UBR3: variants seen among roughly 807,000 people sequenced by gnomAD.
UBR3 encodes the protein ubiquitin protein ligase E3 component n-recognin 3.
A neutral mutation model predicts 243.2 loss-of-function variants in UBR3; 85 were observed. The observed-to-expected ratio is 0.35, with a 90% CI of 0.29 to 0.42. The LOEUF is 0.42. UBR3 is among the 10% of genes least tolerant of loss of function. The pLI, the probability that UBR3 is intolerant of heterozygous loss-of-function variation, is 1.00. For missense variants in UBR3, 1,686 were observed against 2,300.8 expected (o/e 0.73, Z 5.47); for synonymous variants, 748 against 799.8 (o/e 0.94, Z 1.09).
chr2:170,047,904 C>T (rs2091127249), intron 32 of UBR3, among the ~76,000 whole-genome samples: 1 of 152,166 alleles, frequency 6.6e-6, no homozygotes, highest in Non-Finnish European at 1.5e-5. Flanking sequence ...GCTATCAGAA[C>T]AACTGTCGTG....
In UBR3 at chr2:169,942,478, G is replaced by A. The variant is rs1481017012; in HGVS notation, c.2664-15G>A. 2 of 1,529,570 alleles carry A rather than the reference G, an allele frequency of 1.3e-6. No homozygotes were observed. Among genetic ancestry groups the A allele is most frequent in the Non-Finnish European group, 1.8e-6 (2 of 1,141,556 alleles). 94.7% of individuals were successfully genotyped at this position (1,529,570 alleles called of 1,614,324 possible). A position where few individuals can be genotyped will look rare whatever the true frequency, so the allele number is the denominator to read the frequency against. On this transcript the variant is annotated splice_polypyrimidine_tract_variant and intron_variant, in intron 19 of 38. Coordinates refer to ENST00000272793, the MANE Select transcript of UBR3 (RefSeq NM_172070.4). ...GAGGCTATCATCTAATTCTAGTTTT[G>A]TTTTATTTTTACAGTTTAAAACAGA...
At chr2:170,065,249 G>A (rs758504454) in intron 35 of UBR3, among the ~76,000 whole-genome samples, 5 of 152,054 alleles carry the variant, frequency 3.3e-5, no homozygotes, top group African/African-American at 7.2e-5. Context: ...GACATTGAAC[G>A]TGGTTTATAC....
chr2:170,015,425 A>G (rs1377261495), intron 30 of UBR3, 59 bp downstream of exon 30: 2 of 1,366,544 alleles, frequency 1.5e-6, no homozygotes, highest in East Asian at 4.6e-5. Flanking sequence ...AAGCATTGAC[A>G]GGAAAAGTGA....
intron 36 of UBR3, among the ~76,000 whole-genome samples, chr2:170,073,834 A>G (rs1256903367): frequency 6.6e-6 from 1 of 152,216 alleles, no homozygotes; most frequent in Non-Finnish European, 1.5e-5. Context: ...TGGGGTCAGC[A>G]GATTTTTATT....
Position 169,928,763 on chromosome 2 carries a change from C to A in UBR3, c.2461C>A (p.Pro821Thr). 6.7e-7 allele frequency: 1 copy of A among 1,502,428 alleles called. No individual in the cohort carries two copies. Among genetic ancestry groups the A allele is most frequent in the Non-Finnish European group, 9.0e-7 (1 of 1,112,606 alleles). 93.1% of individuals were successfully genotyped at this position (1,502,428 alleles called of 1,614,324 possible). A position where few individuals can be genotyped will look rare whatever the true frequency, so the allele number is the denominator to read the frequency against. The stretch of plus-strand genomic sequence containing the variant: ...TCCTAATCCCAAAAGTGGCATTATT[C>A]CAGGCAGTTACAGCTTTGAATCAGT... The part of the protein sequence containing the change: ...ENPNPKSGII[P>T]GSYSFESVLS... Residue 821 changes from proline to threonine, a missense_variant, in exon 18 of 39, where the codon CCA becomes ACA. This residue lies in a region of UBR3 where 346 missense variants were observed against 585.8 expected (regional missense o/e 0.59). Transcript: ENST00000272793.
chr2:169,838,817 A>G (rs948293849), intron 1 of UBR3, among the ~76,000 whole-genome samples: 6 of 152,214 alleles, frequency 3.9e-5, no homozygotes, highest in Non-Finnish European at 7.3e-5. Flanking sequence ...GTGAGACTCA[A>G]AGATACGCTT....
chr2:170,007,284 T>A, intron 28 of UBR3, 94 bp downstream of exon 28: 1 of 1,333,114 alleles, frequency 7.5e-7, no homozygotes. Context: ...TCTGGACTTT[T>A]ACATATTTAG....
At chr2:169,963,538 G>T (rs1355624369) in intron 24 of UBR3, among the ~76,000 whole-genome samples, 1 of 151,732 alleles carries the variant, frequency 6.6e-6, no homozygotes, top group Non-Finnish European at 1.5e-5. Context: ...AAAAAAGAAT[G>T]CGGGACAAAA....
In UBR3 at chr2:169,939,298, G is replaced by A. The variant is rs537746685; in HGVS notation, c.2664-3195G>A. On this transcript the variant is annotated intron_variant, in intron 19 of 38. Coordinates refer to ENST00000272793, the MANE Select transcript of UBR3 (RefSeq NM_172070.4). The stretch of plus-strand genomic sequence containing the variant: ...TTTTGAGATGGAGTCTCGCCCTGTT[G>A]CCCAGGCTGGAGTGCAGTGGCAGGA... Among the ~76,000 whole-genome samples, 438 of 146,096 alleles carry A rather than the reference G, an allele frequency of 3.0e-3. 2 individuals are homozygous for A. The highest frequency in any genetic ancestry group is 4.8e-3 in the Non-Finnish European group (324 of 67,060).
chr2:169,976,929 C>T (rs557443498), intron 24 of UBR3, among the ~76,000 whole-genome samples: 1 of 152,214 alleles, frequency 6.6e-6, no homozygotes, highest in East Asian at 1.9e-4. Flanking sequence ...TTTTCCCCCT[C>T]AAGTAATTTT....
At chr2:169,914,390 A>G (rs2085371720) in intron 11 of UBR3, among the ~76,000 whole-genome samples, 1 of 152,206 alleles carries the variant, frequency 6.6e-6, no homozygotes, top group South Asian at 2.1e-4. Context: ...GAAGAGTGGC[A>G]TGATTTGTTT....
intron 31 of UBR3, among the ~76,000 whole-genome samples, chr2:170,032,275 CA>C (rs2090693057): frequency 6.6e-6 from 1 of 151,898 alleles, no homozygotes. Context: ...AAAACAAAAA[CA>C]AAAACAGTCA....
At chr2:170,019,223 T>G (rs1169724082) in intron 30 of UBR3, among the ~76,000 whole-genome samples, 3 of 152,194 alleles carry the variant, frequency 2.0e-5, no homozygotes, top group African/African-American at 7.2e-5. Context: ...AAGTTCTGAC[T>G]TAATTTTGAT....
chr2:169,827,478 C>T lies in UBR3; in HGVS notation c.-30C>T. On this transcript the variant is annotated 5_prime_UTR_variant, in exon 1 of 39. Transcript: ENST00000272793. The stretch of plus-strand genomic sequence containing the variant: ...CACTCTCCCTGGAGGAGCCGCTGGC[C>T]CTGGACTCTCCAAATTCTGAGCTCT... 3 of 1,223,594 alleles carry T rather than the reference C, an allele frequency of 2.5e-6. No individual in the cohort carries two copies. Among genetic ancestry groups the T allele is most frequent in the Non-Finnish European group, 3.1e-6 (3 of 982,924 alleles). The allele number at this position is 1,223,594 out of a possible 1,614,324, so 75.8% of individuals were successfully genotyped here. A position where few individuals can be genotyped will look rare whatever the true frequency, so the allele number is the denominator to read the frequency against.
chr2:169,888,615 A>G (rs2084205381), intron 5 of UBR3, among the ~76,000 whole-genome samples: 1 of 152,170 alleles, frequency 6.6e-6, no homozygotes, highest in South Asian at 2.1e-4. Context: ...TCAATACTTA[A>G]ATAATTTCAT....
intron 10 of UBR3, among the ~76,000 whole-genome samples, chr2:169,913,242 T>C (rs889445239): frequency 1.3e-5 from 2 of 152,236 alleles, no homozygotes; most frequent in African/African-American, 4.8e-5. Context: ...TGGCTTTGAT[T>C]TGCATTTTCC....
intron 32 of UBR3, among the ~76,000 whole-genome samples, chr2:170,045,400 G>T (rs537325771): frequency 6.6e-6 from 1 of 152,212 alleles, no homozygotes; most frequent in African/African-American, 2.4e-5. Context: ...GTATCAGGGA[G>T]GGTCAGTTAC....
chr2:169,943,107 T>C (rs1200287166), intron 20 of UBR3, among the ~76,000 whole-genome samples: 1 of 152,186 alleles, frequency 6.6e-6, no homozygotes, highest in Non-Finnish European at 1.5e-5. Context: ...AAAAATTGTT[T>C]TTGATAAACA....
At chr2:169,909,119 G>A (rs755684615) in intron 10 of UBR3, among the ~76,000 whole-genome samples, 3 of 152,098 alleles carry the variant, frequency 2.0e-5, no homozygotes, top group African/African-American at 4.8e-5. Context: ...CACCACGCCC[G>A]GCCTTGATTG....
Sources: allele counts gnomAD v4.1 joint callset (sites outside exome capture counted in the v4.1 genomes callset), GRCh38; gene constraint gnomAD v4.1.1; regional missense constraint gnomAD v4.1.1; transcripts MANE v1.5; gene names NCBI Gene and HGNC (gene_info 2026-07-23, HGNC 2026-07-21).